The following PPARD variants were observed in gnomAD, a reference collection of about 807,000 sequenced individuals.
PPARD encodes peroxisome proliferator activated receptor delta.
In PPARD, 6 loss-of-function variants were observed where a neutral mutation model predicts 39.5. The observed-to-expected ratio is 0.15, with a 90% confidence interval of 0.08 to 0.30. The LOEUF (loss-of-function observed/expected upper bound fraction) is 0.30. Among genes scored for constraint, PPARD ranks in the 10% least tolerant of loss-of-function variants. PPARD has a pLI of 1.00. For synonymous variants in PPARD, 210 were observed against 231.3 expected (o/e 0.91, Z 0.83); for missense variants, 397 against 596.8 (o/e 0.67, Z 3.49).
At chr6:35,396,787 A>G (rs1764354680) in intron 2 of PPARD, among the ~76,000 whole-genome samples, 1 of 151,908 alleles carries the variant, frequency 6.6e-6, no homozygotes, top group Non-Finnish European at 1.5e-5. Context: ...CCGAGATTGC[A>G]CCACTGCACT....
chr6:35,352,474 G>A (rs763633187), intron 2 of PPARD, among the ~76,000 whole-genome samples: 5 of 152,144 alleles, frequency 3.3e-5, no homozygotes, highest in African/African-American at 9.7e-5. Context: ...GTGAGCCACC[G>A]CGCCCGGCCA....
intron 2 of PPARD, among the ~76,000 whole-genome samples, chr6:35,389,042 G>A (rs1763848320): frequency 6.6e-6 from 1 of 152,172 alleles, no homozygotes; most frequent in African/African-American, 2.4e-5. Flanking sequence ...GCCAGGCACA[G>A]TGACTCACAC....
chr6:35,386,924 C>T (rs1384847327), intron 2 of PPARD, among the ~76,000 whole-genome samples: 1 of 151,824 alleles, frequency 6.6e-6, no homozygotes, highest in Non-Finnish European at 1.5e-5. Flanking sequence ...TCTGCCCTTT[C>T]CCTTAGATTG....
Position 35,424,902 on chromosome 6 carries a change from A to C in PPARD, c.1078+123A>C. ...GGGGAAGTGTCCCTGTGATCTTGGC[A>C]GTGGAACATGCAAGGCACTGACTGA... On this transcript the variant is annotated intron_variant, in intron 7 of 7. Coordinates refer to ENST00000360694, the MANE Select transcript of PPARD (RefSeq NM_006238.5). The surrounding 1 kb of genome is among the most constrained non-coding windows in gnomAD (Gnocchi z 7.1). 1 of 1,467,538 alleles carries C rather than the reference A, an allele frequency of 6.8e-7. No individual in the cohort carries two copies. The highest frequency in any genetic ancestry group is 9.0e-7 in the Non-Finnish European group (1 of 1,112,616). 90.9% of individuals were successfully genotyped at this position (1,467,538 alleles called of 1,614,324 possible).
At chr6:35,346,147 G>A (rs1792171246) in intron 1 of PPARD, among the ~76,000 whole-genome samples, 1 of 152,108 alleles carries the variant, frequency 6.6e-6, no homozygotes, top group Admixed American at 6.5e-5. Context: ...CCAAAGTGCT[G>A]GGATTACAGG....
intron 2 of PPARD, among the ~76,000 whole-genome samples, chr6:35,394,119 C>T (rs1466064770): frequency 2.0e-5 from 3 of 152,232 alleles, no homozygotes; most frequent in Non-Finnish European, 4.4e-5. Flanking sequence ...CCCTCATTCT[C>T]CCTTCCCTCC....
intron 3 of PPARD, among the ~76,000 whole-genome samples, chr6:35,411,521 T>C (rs1045838265): frequency 1.3e-5 from 2 of 152,198 alleles, no homozygotes; most frequent in Admixed American, 6.5e-5. Context: ...GTCATCATCA[T>C]TATTAGTATT....
chr6:35,377,781 C>T (rs908590189), intron 2 of PPARD, among the ~76,000 whole-genome samples: 1 of 152,000 alleles, frequency 6.6e-6, no homozygotes, highest in African/African-American at 2.4e-5. Context: ...CTCCTTGATC[C>T]CTCCCAGGAG....
chr6:35,391,069 GTTA>G (rs1197232456), intron 2 of PPARD, among the ~76,000 whole-genome samples: 1 of 151,882 alleles, frequency 6.6e-6, no homozygotes, highest in Non-Finnish European at 1.5e-5. Context: ...ATAGTTTATT[GTTA>G]TTATGGACAA....
intron 2 of PPARD, among the ~76,000 whole-genome samples, chr6:35,389,594 T>C (rs1241446879): frequency 1.3e-5 from 2 of 152,016 alleles, no homozygotes; most frequent in African/African-American, 2.4e-5. Flanking sequence ...ATTACAGGCG[T>C]GAGCCACCGC....
At chr6:35,409,487 AGAGT>A (rs1178378500) in intron 2 of PPARD, among the ~76,000 whole-genome samples, 1 of 152,124 alleles carries the variant, frequency 6.6e-6, no homozygotes, top group African/African-American at 2.4e-5. Flanking sequence ...CCTAGGCGAC[AGAGT>A]GAGACTGTCT....
chr6:35,409,014 T>G (rs1379576668), intron 2 of PPARD, among the ~76,000 whole-genome samples: 1 of 152,144 alleles, frequency 6.6e-6, no homozygotes, highest in Non-Finnish European at 1.5e-5. Context: ...TGCTCCTGTC[T>G]GTGAGGCTTC....
At chr6:35,359,159 C>T (rs1357230849) in intron 2 of PPARD, among the ~76,000 whole-genome samples, 2 of 152,290 alleles carry the variant, frequency 1.3e-5, no homozygotes, top group East Asian at 3.9e-4. Flanking sequence ...GCGAGGAGGC[C>T]AGCGTGGCTG....
At chr6:35,359,769 T>C (rs1761831760) in intron 2 of PPARD, among the ~76,000 whole-genome samples, 1 of 152,204 alleles carries the variant, frequency 6.6e-6, no homozygotes, top group African/African-American at 2.4e-5. Context: ...ATCACTTTGA[T>C]TCACACAACA....
At chr6:35,344,271 C>T (rs1268866925) in intron 1 of PPARD, among the ~76,000 whole-genome samples, 4 of 152,012 alleles carry the variant, frequency 2.6e-5, no homozygotes, top group African/African-American at 2.4e-5. Flanking sequence ...CCAGGAGGAA[C>T]GGCAATCCCA....
chr6:35,425,544 C>A lies in PPARD; in HGVS notation c.1079-288C>A. 2.1e-6 allele frequency: 1 copy of A among 467,962 alleles called. No homozygotes were observed. The highest frequency in any genetic ancestry group is 2.8e-6 in the Non-Finnish European group (1 of 357,010). 29.0% of individuals were successfully genotyped at this position (467,962 alleles called of 1,614,324 possible). A position where few individuals can be genotyped will look rare whatever the true frequency, so the allele number is the denominator to read the frequency against. On this transcript the variant is annotated intron_variant, in intron 7 of 7. Coordinates refer to ENST00000360694, the MANE Select transcript of PPARD (RefSeq NM_006238.5). This position sits in a 1 kb window ranked among gnomAD's most constrained non-coding sequence, Gnocchi z 4.5. ...AGAGGCTGAATGACCTGCCTATAGCCTCACAGGCAGACACAGGATTTGAAT... is the reference window on the plus strand; with the variant it reads ...AGAGGCTGAATGACCTGCCTATAGCATCACAGGCAGACACAGGATTTGAAT...
chr6:35,413,156 A>G (rs746862663), intron 3 of PPARD, among the ~76,000 whole-genome samples: 4 of 152,176 alleles, frequency 2.6e-5, no homozygotes, highest in Non-Finnish European at 4.4e-5. Context: ...CTGTTTCCCA[A>G]ATAGCATCAC....
At chr6:35,415,372 C>G (rs1002158001) in intron 3 of PPARD, among the ~76,000 whole-genome samples, 1 of 152,220 alleles carries the variant, frequency 6.6e-6, no homozygotes, top group Non-Finnish European at 1.5e-5. Context: ...ATAGACCAAT[C>G]GGGCGCCTCC....
chr6:35,380,599 C>T (rs887847293), intron 2 of PPARD, among the ~76,000 whole-genome samples: 1 of 149,442 alleles, frequency 6.7e-6, no homozygotes, highest in Non-Finnish European at 1.5e-5. Flanking sequence ...AGCAGGGCTC[C>T]TCCCTGCTCA....
Sources: allele counts gnomAD v4.1 joint callset (sites outside exome capture counted in the v4.1 genomes callset), GRCh38; gene constraint gnomAD v4.1.1; non-coding constraint Gnocchi (gnomAD v3.1); transcripts MANE v1.5; gene names NCBI Gene and HGNC (gene_info 2026-07-23, HGNC 2026-07-21).